PLXNA1: variants seen among roughly 807,000 people sequenced by gnomAD.
The protein encoded by PLXNA1 is plexin-A1.
Under a neutral mutation model 191.7 loss-of-function variants are expected in PLXNA1, and 77 were observed. The observed-to-expected ratio is 0.40, with a 90% CI of 0.33 to 0.49. The LOEUF (loss-of-function observed/expected upper bound fraction) is 0.49. PLXNA1 is among the 20% of genes least tolerant of loss of function. PLXNA1 has a pLI of 0.63. For missense variants in PLXNA1, 2,110 were observed against 2,660.2 expected, an observed-to-expected ratio of 0.79 and a Z score of 4.55; for synonymous variants, 1,137 against 1,156.4, an observed-to-expected ratio of 0.98 and a Z score of 0.34.
chr3:127,025,424 A>G (rs1039985326), intron 23 of PLXNA1, among the ~76,000 whole-genome samples: 30 of 152,248 alleles, frequency 2.0e-4, no homozygotes, highest in Admixed American at 7.8e-4. Context: ...AGTGTGCCAC[A>G]AACTTAAAAA....
chr3:127,012,689 G>T (rs899792798), intron 10 of PLXNA1, among the ~76,000 whole-genome samples: 5 of 152,252 alleles, frequency 3.3e-5, no homozygotes, highest in African/African-American at 4.8e-5. Context: ...CCGAGCATGC[G>T]TAGACCTTCA....
chr3:127,031,656 C>G (rs1418540449), intron 29 of PLXNA1, among the ~76,000 whole-genome samples: 1 of 152,210 alleles, frequency 6.6e-6, no homozygotes, highest in Non-Finnish European at 1.5e-5. Context: ...CCTGTCCCAG[C>G]TCCGCCCACT....
chr3:126,986,706 C>T (rs1044892483), intron 1 of PLXNA1, among the ~76,000 whole-genome samples: 2 of 152,074 alleles, frequency 1.3e-5, no homozygotes, highest in Non-Finnish European at 2.9e-5. Context: ...GTAATAGAGA[C>T]CCTTCACGAG....
intron 29 of PLXNA1, among the ~76,000 whole-genome samples, chr3:127,030,868 C>T (rs887416786): frequency 3.9e-5 from 6 of 152,208 alleles, no homozygotes; most frequent in African/African-American, 7.2e-5. Flanking sequence ...CTTACTGAGG[C>T]GCAGAGGCCG....
intron 3 of PLXNA1, among the ~76,000 whole-genome samples, chr3:126,998,461 C>T (rs554643871): frequency 1.6e-4 from 25 of 152,282 alleles, no homozygotes; most frequent in Admixed American, 4.6e-4. Flanking sequence ...CTGGCTGTGG[C>T]GGAGACTCTG....
chr3:127,012,789 G>C (rs529251706), intron 10 of PLXNA1, among the ~76,000 whole-genome samples: 1 of 152,384 alleles, frequency 6.6e-6, no homozygotes, highest in African/African-American at 2.4e-5. Context: ...TTTCCTGAGT[G>C]GTGGGGGAGT....
At chr3:127,020,162 C>A in intron 20 of PLXNA1, 40 bp from the exon 21 acceptor site, 1 of 1,606,236 alleles carries the variant, frequency 6.2e-7, no homozygotes, top group Non-Finnish European at 8.5e-7. Flanking sequence ...GGAGCGGGGC[C>A]ACCAGGGCAT....
At chr3:127,015,819 TCCGGACCCAGGTGTGGGCTATG>T (rs1235630872) in intron 15 of PLXNA1, among the ~76,000 whole-genome samples, 2 of 151,908 alleles carry the variant, frequency 1.3e-5, no homozygotes, top group Admixed American at 1.3e-4. Flanking sequence ...GAACTGAGGG[TCCGGACCCAGGTGTGGGCTATG>T]CCTGGCTGCC....
At chr3:127,013,884 A>T in intron 10 of PLXNA1, 136 bp from the exon 11 acceptor site, 1 of 766,784 alleles carries the variant, frequency 1.3e-6, no homozygotes, top group East Asian at 2.5e-5. Context: ...CCTGTGTAGG[A>T]TGAGGGTGGA....
At chr3:126,986,848 G>A (rs1048720437) in intron 1 of PLXNA1, among the ~76,000 whole-genome samples, 1 of 152,210 alleles carries the variant, frequency 6.6e-6, no homozygotes, top group African/African-American at 2.4e-5. Flanking sequence ...ATGGGACTGT[G>A]CCCAGCTCCC....
At chr3:127,001,967 G>T (rs1054642905) in intron 3 of PLXNA1, among the ~76,000 whole-genome samples, 1 of 152,220 alleles carries the variant, frequency 6.6e-6, no homozygotes, top group African/African-American at 2.4e-5. Flanking sequence ...CTAAGCGTCC[G>T]TCGGGCAGGC....
rs2078989959 is a variant in PLXNA1, at chr3:126,991,478, A to G, written c.1289A>G (p.Lys430Arg). Residue 430 changes from lysine (K) to arginine (R), a missense_variant, in exon 3 of 32, where the codon AAG becomes AGG. By Grantham distance (26) the Lys-to-Arg change is conservative. Coordinates refer to ENST00000393409, the MANE Select transcript of PLXNA1 (RefSeq NM_032242.4). ...GAGGGGACGCCCCTGTTCGTGGACAAGGATGATGGCCTGACCGCCGTGGCT... is the reference window on the plus strand; with the variant it reads ...GAGGGGACGCCCCTGTTCGTGGACAGGGATGATGGCCTGACCGCCGTGGCT... ...TIEGTPLFVD[K>R]DDGLTAVAAY... 6.2e-7 allele frequency: 1 copy of G among 1,612,756 alleles called. No individual in the cohort carries two copies. The highest frequency in any genetic ancestry group is 8.5e-7 in the Non-Finnish European group (1 of 1,179,820).
chr3:126,984,275 C>T (rs941044011), intron 1 of PLXNA1, among the ~76,000 whole-genome samples: 1 of 152,176 alleles, frequency 6.6e-6, no homozygotes, highest in African/African-American at 2.4e-5. Flanking sequence ...TCTGGGGCCA[C>T]GCCCCTTGAA....
Position 127,016,633 on chromosome 3 carries a change from A to G in PLXNA1, c.3131A>G (p.Tyr1044Cys). ...ACCAACCCTGAGGTGAAGTACAACT[A>G]CACCGAGGACCCCACCATCCTGAGG... is the stretch of plus-strand genomic sequence containing the variant. ...QLTNPEVKYN[Y>C]TEDPTILRID... is the part of the protein sequence containing the mutation. The change falls in exon 16 of 32, where the codon TAC (tyrosine) becomes TGC (cysteine). Residue 1044 changes from tyrosine to cysteine, a missense_variant. Tyr to Cys is a radical substitution (Grantham distance 194). This residue lies in a region of PLXNA1 where 644 missense variants were observed against 714.3 expected (regional missense o/e 0.90). Coordinates refer to ENST00000393409, the MANE Select transcript of PLXNA1 (RefSeq NM_032242.4). 6.2e-7 allele frequency: 1 copy of G among 1,613,892 alleles called. No homozygotes were observed. Among genetic ancestry groups the G allele is most frequent in the Non-Finnish European group, 8.5e-7 (1 of 1,179,874 alleles).
At chr3:127,001,113 G>A (rs982323665) in intron 3 of PLXNA1, among the ~76,000 whole-genome samples, 1 of 152,188 alleles carries the variant, frequency 6.6e-6, no homozygotes, top group Non-Finnish European at 1.5e-5. Flanking sequence ...CTGGGGCCCA[G>A]CTCCAGAAGA....
intron 23 of PLXNA1, chr3:127,026,654 G>T (rs1305693756): frequency 1.3e-5 from 2 of 152,248 alleles, no homozygotes; most frequent in Admixed American, 1.3e-4. Flanking sequence ...GTCTGGGATG[G>T]TCTTAACAGC....
chr3:126,987,017 G>A (rs2078962405), intron 1 of PLXNA1, among the ~76,000 whole-genome samples: 1 of 152,242 alleles, frequency 6.6e-6, no homozygotes, highest in Non-Finnish European at 1.5e-5. Flanking sequence ...GCCGGCTCCA[G>A]CCAGGAGTGG....
At position 126,988,633 on chromosome 3, in the gene PLXNA1, C is replaced by CTGCTGCTGT. The variant is rs1184894962; in HGVS notation, c.49_57dup (p.Leu19_Leu21dup). 2 of 1,575,772 alleles carry CTGCTGCTGT rather than the reference C, an allele frequency of 1.3e-6. No individual in the cohort carries two copies. Among genetic ancestry groups the CTGCTGCTGT allele is most frequent in the East Asian group, 4.5e-5 (2 of 44,494 alleles). ...GCGGAGCCTGCAGGTGCTCCTGCTG[C>CTGCTGCTGT]TGCTGCTGTTGCTGCTGCTGCTGCC... On this transcript the variant is annotated inframe_insertion, in exon 2 of 32. Coordinates refer to ENST00000393409, the MANE Select transcript of PLXNA1 (RefSeq NM_032242.4).
chr3:127,007,648 G>A (rs2079075331), intron 8 of PLXNA1, 151 bp from the exon 9 acceptor site: 2 of 536,646 alleles, frequency 3.7e-6, no homozygotes, highest in Non-Finnish European at 6.6e-6. Flanking sequence ...TCAGGTTTGG[G>A]GGAAGAACTT....
Sources: allele counts gnomAD v4.1 joint callset (sites outside exome capture counted in the v4.1 genomes callset), GRCh38; gene constraint gnomAD v4.1.1; regional missense constraint gnomAD v4.1.1; transcripts MANE v1.5; gene names NCBI Gene and HGNC (gene_info 2026-07-23, HGNC 2026-07-21).